Variants in SAMSN1 observed in about 807,000 individuals in gnomAD.
SAMSN1 encodes SAM domain, SH3 domain and nuclear localization signals 1.
Under a neutral mutation model 42.0 loss-of-function variants are expected in SAMSN1, and 31 were observed. That is an observed-to-expected ratio of 0.74 (90% CI 0.55 to 1.00). The LOEUF (loss-of-function observed/expected upper bound fraction) is 1.00. Ranked by LOEUF, SAMSN1 falls within the 50% of genes least tolerant of loss-of-function variation. The pLI, the probability that SAMSN1 is intolerant of heterozygous loss-of-function variation, is 0.00. For synonymous variants in SAMSN1, 178 were observed against 151.9 expected, an observed-to-expected ratio of 1.17 and a Z score of -1.26; for missense variants, 464 against 439.4, an observed-to-expected ratio of 1.06 and a Z score of -0.50.
At position 14,540,573 on chromosome 21, in the gene SAMSN1, C is replaced by G. The variant is rs1483281388; in HGVS notation, c.57+5632G>C. On this transcript the variant is annotated intron_variant, in intron 1 of 7. Transcript: ENST00000400566. Reference sequence around the variant, plus strand: ...GCCATCAGAGAAATGCAAATCAAAACCACAATGAGATACCATCTCACACCA... The same window carrying G: ...GCCATCAGAGAAATGCAAATCAAAAGCACAATGAGATACCATCTCACACCA... 3.3e-5 allele frequency among the ~76,000 whole-genome samples: 5 copies of G among 152,054 alleles called. 1 individual carries two copies. Among genetic ancestry groups the G allele is most frequent in the Non-Finnish European group, 7.4e-5 (5 of 67,974 alleles).
At chr21:14,654,621 T>C (rs1016518102) in intron 1 of SAMSN1, among the ~76,000 whole-genome samples, 33 of 152,032 alleles carry the variant, frequency 2.2e-4, no homozygotes, top group African/African-American at 8.0e-4. Flanking sequence ...CTAGGGCTCT[T>C]GCTTACAAGA....
rs373376896 is a variant in SAMSN1, at chr21:14,617,548, T to G, written c.157-1532A>C. Reference sequence around the variant, plus strand: ...AGCAAGCTCCATGTTCCACAGTCTATGCAATCGGGACCAAATATGTCTCAA... The same window carrying G: ...AGCAAGCTCCATGTTCCACAGTCTAGGCAATCGGGACCAAATATGTCTCAA... On this transcript the variant is annotated intron_variant, in intron 2 of 15. Coordinates refer to the SAMSN1 transcript ENST00000647101. Among the ~76,000 whole-genome samples the G allele has an allele frequency of 9.2e-5, 14 of 152,274 alleles. No homozygotes were observed. In the South Asian group the frequency reaches 1.7e-3, roughly 18 times the overall value.
intron 2 of SAMSN1, among the ~76,000 whole-genome samples, chr21:14,578,895 G>C (rs1981601809): frequency 6.6e-6 from 1 of 151,824 alleles, no homozygotes; most frequent in Non-Finnish European, 1.5e-5. Context: ...TGTCGCCTCT[G>C]ACTACCTGCC....
Position 14,512,529 on chromosome 21 carries a change from G to T in SAMSN1, c.324C>A (p.Asp108Glu), listed in dbSNP as rs1365626999. Residue 108 changes from aspartate (D) to glutamate (E), a missense_variant, in exon 4 of 8, where the codon GAC (aspartate) becomes GAA (glutamate). Asp to Glu is a conservative substitution (Grantham distance 45). Transcript: ENST00000400566. ...GENAHPYRNS[D>E]PVIGTHTEKV... ...TCTCTGTGTGGGTCCCAATCACAGG[G>T]TCACTGTTTCTATATGGGTGGGCAT... is the stretch of plus-strand genomic sequence containing the variant. The T allele has an allele frequency of 6.2e-7, 1 of 1,613,904 alleles. No homozygotes were observed.
Position 14,646,068 on chromosome 21 carries a change from C to T in SAMSN1, c.25-2935G>A, listed in dbSNP as rs542396774. Among the ~76,000 whole-genome samples the T allele has an allele frequency of 6.6e-4, 100 of 152,040 alleles. 2 individuals are homozygous for T. The highest frequency in any genetic ancestry group is 5.8e-3 in the South Asian group (28 of 4,810). ...TAAGAGTTATTGGCCTTAAAGAGGA[C>T]GTAGATAAAGAGATAGGGATAGAAA... On this transcript the variant is annotated intron_variant, in intron 1 of 15. Transcript: ENST00000647101.
At chr21:14,579,439 T>C (rs1200440999) in intron 2 of SAMSN1, among the ~76,000 whole-genome samples, 1 of 152,132 alleles carries the variant, frequency 6.6e-6, no homozygotes, top group Non-Finnish European at 1.5e-5. Flanking sequence ...ATGTACAAAA[T>C]AATTTATCTA....
intron 1 of SAMSN1, among the ~76,000 whole-genome samples, chr21:14,542,491 ATATTT>A (rs1980106630): frequency 1.3e-5 from 2 of 152,226 alleles, no homozygotes; most frequent in Non-Finnish European, 2.9e-5. Flanking sequence ...GAAAAATAAA[ATATTT>A]TAGTTGGAAA....
chr21:14,540,448 A>T (rs1685638207), intron 1 of SAMSN1, among the ~76,000 whole-genome samples: 1 of 152,226 alleles, frequency 6.6e-6, no homozygotes, highest in African/African-American at 2.4e-5. Flanking sequence ...ATATACAAGA[A>T]AAAAACAAAC....
chr21:14,640,295 G>A (rs2822814), intron 2 of SAMSN1, among the ~76,000 whole-genome samples: 14,248 of 152,024 alleles, frequency 0.094, 770 homozygotes, highest in Admixed American at 0.19. Context: ...AGTTTCCTCC[G>A]TAACAAATAG....
chr21:14,541,515 GT>G (rs1357832250), intron 1 of SAMSN1, among the ~76,000 whole-genome samples: 1 of 151,356 alleles, frequency 6.6e-6, no homozygotes, highest in Non-Finnish European at 1.5e-5. Flanking sequence ...ATTTTTTGTG[GT>G]TTTTTTTGTT....
intron 5 of SAMSN1, chr21:14,609,429 T>G: frequency 1.4e-6 from 1 of 716,106 alleles, no homozygotes; most frequent in Non-Finnish European, 2.6e-6. Context: ...TTACCTGCCC[T>G]TTAAACTACT....
At chr21:14,489,134 C>T (rs2822696) in intron 7 of SAMSN1, among the ~76,000 whole-genome samples, 18,132 of 152,064 alleles carry the variant, frequency 0.12, 1,326 homozygotes, top group East Asian at 0.34. Context: ...CTTCATGTGG[C>T]CATGAAACAG....
intron 1 of SAMSN1, among the ~76,000 whole-genome samples, chr21:14,647,889 G>C (rs1269213314): frequency 6.6e-6 from 1 of 151,476 alleles, no homozygotes; most frequent in East Asian, 1.9e-4. Flanking sequence ...ATTTTGGGCT[G>C]AGACAATGGA....
At chr21:14,509,666 G>T (rs1987588956) in intron 5 of SAMSN1, among the ~76,000 whole-genome samples, 1 of 152,150 alleles carries the variant, frequency 6.6e-6, no homozygotes, top group Non-Finnish European at 1.5e-5. Flanking sequence ...TTCTATTCCT[G>T]CAAGTATCAG....
chr21:14,552,721 G>A (rs1359365810), intron 2 of SAMSN1, among the ~76,000 whole-genome samples: 13 of 152,076 alleles, frequency 8.5e-5, no homozygotes, highest in Admixed American at 6.6e-5. Context: ...GCATCTGTCC[G>A]TAAAGTTACT....
At chr21:14,511,397 C>A (rs1410521509) in intron 4 of SAMSN1, among the ~76,000 whole-genome samples, 1 of 152,208 alleles carries the variant, frequency 6.6e-6, no homozygotes, top group Non-Finnish European at 1.5e-5. Flanking sequence ...CTCCCCACAT[C>A]CAGCATCACA....
intron 2 of SAMSN1, among the ~76,000 whole-genome samples, chr21:14,636,144 C>T (rs1983462369): frequency 6.6e-6 from 1 of 152,130 alleles, no homozygotes; most frequent in African/African-American, 2.4e-5. Context: ...CAATCACATT[C>T]CCAAAGACAC....
At chr21:14,649,172 AC>A (rs1568843344) in intron 1 of SAMSN1, among the ~76,000 whole-genome samples, 2 of 151,526 alleles carry the variant, frequency 1.3e-5, no homozygotes, top group Non-Finnish European at 2.9e-5. Context: ...TATCACAAGA[AC>A]AAAAAACCCA....
At chr21:14,570,524 T>C (rs184577484) in intron 2 of SAMSN1, among the ~76,000 whole-genome samples, 1 of 152,312 alleles carries the variant, frequency 6.6e-6, no homozygotes, top group African/African-American at 2.4e-5. Flanking sequence ...AGTCGTGTCA[T>C]TGTATCACTT....
Sources: allele counts gnomAD v4.1 joint callset (sites outside exome capture counted in the v4.1 genomes callset), GRCh38; gene constraint gnomAD v4.1.1; transcripts MANE v1.5; gene names NCBI Gene and HGNC (gene_info 2026-07-23, HGNC 2026-07-21).